The following GPC6 variants were observed in gnomAD, a reference collection of about 807,000 sequenced individuals.
GPC6 encodes the protein glypican-6.
A neutral mutation model predicts 55.2 loss-of-function variants in GPC6; 14 were observed. The observed-to-expected ratio is 0.25, with a 90% CI of 0.17 to 0.40. The LOEUF (loss-of-function observed/expected upper bound fraction) is 0.40. GPC6 is among the 10% of genes least tolerant of loss of function. The pLI, the probability that GPC6 is intolerant of heterozygous loss-of-function variation, is 1.00. For synonymous variants in GPC6, 278 were observed against 259.6 expected (o/e 1.07, Z -0.68); for missense variants, 641 against 708.5 (o/e 0.90, Z 1.08).
At chr13:93,525,928 C>A (rs2139406297) in intron 1 of GPC6, among the ~76,000 whole-genome samples, 1 of 152,234 alleles carries the variant, frequency 6.6e-6, no homozygotes, top group South Asian at 2.1e-4. Flanking sequence ...ATTTGCTATA[C>A]ACATCTTATG....
intron 1 of GPC6, among the ~76,000 whole-genome samples, chr13:93,399,949 AT>A (rs1353427022): frequency 1.3e-5 from 2 of 152,212 alleles, no homozygotes; most frequent in Non-Finnish European, 2.9e-5. Context: ...TTGAATACTG[AT>A]CAGAAGTAGG....
chr13:93,541,856 C>G (rs549045212), intron 1 of GPC6, among the ~76,000 whole-genome samples: 8,528 of 150,958 alleles, frequency 0.056, 737 homozygotes, highest in African/African-American at 0.2. Context: ...TGTCCTTTGC[C>G]CACTTTTTGA....
intron 6 of GPC6, among the ~76,000 whole-genome samples, chr13:94,348,565 T>A (rs569597462): frequency 6.6e-6 from 1 of 152,322 alleles, no homozygotes; most frequent in Non-Finnish European, 1.5e-5. Context: ...CATTCTTCCT[T>A]CAACCTGGAA....
chr13:94,174,525 T>C (rs1888678428), intron 4 of GPC6, among the ~76,000 whole-genome samples: 1 of 152,058 alleles, frequency 6.6e-6, no homozygotes, highest in Non-Finnish European at 1.5e-5. Context: ...TAATACATTG[T>C]TATAAGTAAG....
intron 1 of GPC6, among the ~76,000 whole-genome samples, chr13:93,308,736 T>C (rs1878961249): frequency 6.6e-6 from 1 of 152,216 alleles, no homozygotes. Context: ...GCCACTGCAC[T>C]GGGCTGTCAT....
chr13:93,425,355 T>C (rs981502095), intron 1 of GPC6, among the ~76,000 whole-genome samples: 2 of 152,270 alleles, frequency 1.3e-5, no homozygotes, highest in East Asian at 3.9e-4. Flanking sequence ...TGTAAATACT[T>C]CCTATCAATT....
chr13:93,323,478 C>T (rs1307643053), intron 1 of GPC6, among the ~76,000 whole-genome samples: 4 of 152,224 alleles, frequency 2.6e-5, no homozygotes, highest in South Asian at 2.1e-4. Context: ...TCTTCATGAG[C>T]GTTTCACTGT....
At chr13:93,296,009 C>T (rs1424435312) in intron 1 of GPC6, among the ~76,000 whole-genome samples, 3 of 152,110 alleles carry the variant, frequency 2.0e-5, no homozygotes, top group African/African-American at 7.2e-5. Flanking sequence ...TGTAATGGCA[C>T]TCACTCCATT....
intron 2 of GPC6, among the ~76,000 whole-genome samples, chr13:93,777,880 A>G (rs1168423601): frequency 6.6e-6 from 1 of 152,168 alleles, no homozygotes; most frequent in Non-Finnish European, 1.5e-5. Context: ...CTGTTGCCAT[A>G]TTAAAAGCTA....
At chr13:94,343,139 G>A (rs142714910) in intron 6 of GPC6, among the ~76,000 whole-genome samples, 263 of 152,278 alleles carry the variant, frequency 1.7e-3, no homozygotes, top group South Asian at 9.3e-3. Context: ...ATCACTCCGG[G>A]ATCATCCACT....
rs563313553 is a variant in GPC6 at position 93,590,153 on chromosome 13, G to A, written c.319+44732G>A. Among the ~76,000 whole-genome samples the A allele has an allele frequency of 2.0e-5, 3 of 152,204 alleles. No individual in the cohort carries two copies. In the South Asian group the frequency reaches 6.2e-4, roughly 32 times the overall value. ...ATCACCAGGGAATTTATTTAGATTT[G>A]CAATTATGCTAGAGTTTGTAATTTA... On this transcript the variant is annotated intron_variant, in intron 2 of 8. Transcript: ENST00000377047.
chr13:94,249,905 G>A (rs1177243787), intron 4 of GPC6, among the ~76,000 whole-genome samples: 1 of 152,158 alleles, frequency 6.6e-6, no homozygotes, highest in Non-Finnish European at 1.5e-5. Flanking sequence ...CAAGTTAGTA[G>A]AAAAGAGTGC....
intron 2 of GPC6, among the ~76,000 whole-genome samples, chr13:93,636,827 G>A (rs1335998076): frequency 6.6e-6 from 1 of 152,032 alleles, no homozygotes; most frequent in Middle Eastern, 3.2e-3. Flanking sequence ...ATTTGTTACT[G>A]CAGCAAAGCT....
intron 2 of GPC6, among the ~76,000 whole-genome samples, chr13:93,677,497 CATA>C (rs954633401): frequency 5.3e-5 from 8 of 152,024 alleles, no homozygotes; most frequent in South Asian, 2.1e-4. Flanking sequence ...TAATATAATA[CATA>C]ATAATTATTC....
intron 1 of GPC6, chr13:93,395,246 G>T: frequency 4.5e-6 from 2 of 442,856 alleles, no homozygotes; most frequent in African/African-American, 2.0e-5. Context: ...AGAACCACTT[G>T]CACAACCACC....
intron 6 of GPC6, among the ~76,000 whole-genome samples, chr13:94,339,895 C>T (rs1242557918): frequency 6.6e-6 from 1 of 151,190 alleles, no homozygotes; most frequent in Non-Finnish European, 1.5e-5. Flanking sequence ...TCCCCAGTAG[C>T]TGGGATTACA....
chr13:93,388,509 C>A (rs1875490250), intron 1 of GPC6, among the ~76,000 whole-genome samples: 1 of 152,156 alleles, frequency 6.6e-6, no homozygotes, highest in Admixed American at 6.5e-5. Flanking sequence ...ACTAAGATTT[C>A]CCCCTGGATG....
chr13:94,239,777 A>G (rs1274908199), intron 4 of GPC6, among the ~76,000 whole-genome samples: 3 of 152,168 alleles, frequency 2.0e-5, no homozygotes, highest in African/African-American at 7.2e-5. Flanking sequence ...TACAATATCT[A>G]GAAACAAAAA....
At chr13:93,581,913 G>A (rs1236748000) in intron 2 of GPC6, among the ~76,000 whole-genome samples, 2 of 152,124 alleles carry the variant, frequency 1.3e-5, no homozygotes. Context: ...ATGGTATCAT[G>A]AAATTGTTGC....
Sources: gnomAD v4.1 joint callset for allele counts (sites outside exome capture counted in the v4.1 genomes callset) on GRCh38, gnomAD v4.1.1 for gene constraint, MANE v1.5 for transcripts, NCBI Gene and HGNC (gene_info 2026-07-23, HGNC 2026-07-21) for gene names.